DNMT3B: variants seen among roughly 807,000 people sequenced by gnomAD.
DNMT3B encodes the protein DNA methyltransferase 3 beta.
A neutral mutation model predicts 120.2 loss-of-function variants in DNMT3B; 37 were observed. The ratio of observed to expected loss-of-function variants is 0.31; its 90% CI spans 0.24 to 0.40. The LOEUF (loss-of-function observed/expected upper bound fraction) is 0.40. DNMT3B is among the 10% of genes least tolerant of loss of function. The pLI is 1.00. For synonymous variants in DNMT3B, 412 were observed against 442.8 expected (o/e 0.93, Z 0.87); for missense variants, 878 against 1,137.3 (o/e 0.77, Z 3.28).
chr20:32,762,949 T>C (rs1045600517), intron 1 of DNMT3B, among the ~76,000 whole-genome samples: 11 of 151,624 alleles, frequency 7.3e-5, no homozygotes, highest in African/African-American at 2.7e-4. Context: ...GGACCGGAGA[T>C]ACTAGAGGAA....
At chr20:32,763,296 G>T (rs1471579301) in intron 1 of DNMT3B, among the ~76,000 whole-genome samples, 1 of 152,186 alleles carries the variant, frequency 6.6e-6, no homozygotes, top group Non-Finnish European at 1.5e-5. Flanking sequence ...GCGCGGGCTG[G>T]GGTGTGCGCC....
At chr20:32,799,135 G>C (rs1981013100) in intron 15 of DNMT3B, 109 bp from the exon 16 acceptor site, 2 of 1,231,056 alleles carry the variant, frequency 1.6e-6, no homozygotes, top group Non-Finnish European at 2.3e-6. Context: ...TTTTGCAGTG[G>C]CTACGGCAAG....
chr20:32,807,472 A>T (rs1982094149), intron 22 of DNMT3B, among the ~76,000 whole-genome samples: 2 of 152,158 alleles, frequency 1.3e-5, no homozygotes, highest in African/African-American at 4.8e-5. Flanking sequence ...AAATGGATAC[A>T]TTGCTGGCTG....
rs758209684 is a variant in DNMT3B at position 32,796,919 on chromosome 20, A to ACT, written c.1377+52_1377+53dup. 2.5e-6 allele frequency: 4 copies of ACT among 1,613,178 alleles called. No homozygotes were observed. The South Asian group carries it at 4.4e-5, about 18-fold the overall frequency. ...GACCTTCCTCCCCTTGCCTCCTCTA[A>ACT]CTCCCCTCTCCTTCCCAACAGCACC... On this transcript the variant is annotated intron_variant, in intron 13 of 22. Transcript: ENST00000328111.
At position 32,791,716 on chromosome 20, in the gene DNMT3B, G is replaced by A; in HGVS notation, c.921+8G>A. On this transcript the variant is annotated splice_region_variant and intron_variant, in intron 8 of 22. Coordinates refer to ENST00000328111, the MANE Select transcript of DNMT3B (RefSeq NM_006892.4). The stretch of plus-strand genomic sequence containing the variant: ...ATGTACCATGCTCTGGAGGTAACAT[G>A]GGATGAGGGAATGAGGGCTAAGCCC... 1 of 1,613,646 alleles carries A rather than the reference G, an allele frequency of 6.2e-7. No homozygotes were observed. Among genetic ancestry groups the A allele is most frequent in the Non-Finnish European group, 8.5e-7 (1 of 1,179,636 alleles).
In DNMT3B at chr20:32,804,259, G is replaced by A. The variant is rs928095968; in HGVS notation, c.2232-1079G>A. Among the ~76,000 whole-genome samples the A allele has an allele frequency of 3.3e-5, 5 of 152,214 alleles. No individual in the cohort carries two copies. In the East Asian group the frequency reaches 9.6e-4, roughly 29 times the overall value. ...GGCATCATTTAGGGGACAGACCCAAGTCATCTGGCTTGTTTAGAGCTTAAT... is the reference window on the plus strand; with the variant it reads ...GGCATCATTTAGGGGACAGACCCAAATCATCTGGCTTGTTTAGAGCTTAAT... On this transcript the variant is annotated intron_variant, in intron 20 of 22. Transcript: ENST00000328111.
Position 32,808,362 on chromosome 20 carries a change from G to A in DNMT3B, c.*459G>A, listed in dbSNP as rs760431194. 8.1e-5 allele frequency: 23 copies of A among 284,974 alleles called. No individual in the cohort carries two copies. The highest frequency in any genetic ancestry group is 1.4e-4 in the Non-Finnish European group (21 of 149,762). 17.7% of individuals were successfully genotyped at this position (284,974 alleles called of 1,614,324 possible). ...TGGCTACTGCTCTGTGTTTACAGAC[G>A]TGTGCAGTTGTAGGCATGTAGCTAC... On this transcript the variant is annotated 3_prime_UTR_variant, in exon 23 of 23. Coordinates refer to ENST00000328111, the MANE Select transcript of DNMT3B (RefSeq NM_006892.4).
At chr20:32,802,534 C>G in intron 20 of DNMT3B, 64 bp downstream of exon 20, 2 of 1,506,090 alleles carry the variant, frequency 1.3e-6, no homozygotes, top group Non-Finnish European at 9.2e-7. Context: ...CAAGCTCTGA[C>G]ATTCAAGCCT....
intron 1 of DNMT3B, among the ~76,000 whole-genome samples, chr20:32,765,508 C>T (rs553877167): frequency 4.7e-5 from 7 of 148,948 alleles, no homozygotes; most frequent in Non-Finnish European, 1.0e-4. Flanking sequence ...GCAACCTCTG[C>T]CTCCCGGGTT....
Position 32,800,306 on chromosome 20 carries a change from C to T in DNMT3B, c.1905+8C>T. 1.2e-6 allele frequency: 2 copies of T among 1,614,110 alleles called. No individual in the cohort carries two copies. Among genetic ancestry groups the T allele is most frequent in the South Asian group, 1.1e-5 (1 of 91,082 alleles). On this transcript the variant is annotated splice_region_variant and intron_variant, in intron 17 of 22. Coordinates refer to ENST00000328111, the MANE Select transcript of DNMT3B (RefSeq NM_006892.4). Reference sequence around the variant, plus strand: ...AACATCACAAAGAAAAATGTGAGGGCAGTCTGTACCTTGCGGGCCTCATCT... The same window carrying T: ...AACATCACAAAGAAAAATGTGAGGGTAGTCTGTACCTTGCGGGCCTCATCT...
At chr20:32,785,420 G>A (rs906442366) in intron 4 of DNMT3B, among the ~76,000 whole-genome samples, 1 of 152,148 alleles carries the variant, frequency 6.6e-6, no homozygotes, top group African/African-American at 2.4e-5. Flanking sequence ...GCCTAGGGGT[G>A]ATAGAGTTTG....
At chr20:32,805,167 T>C (rs532902705) in intron 20 of DNMT3B, among the ~76,000 whole-genome samples, 171 bp from the exon 21 acceptor site, 5 of 152,316 alleles carry the variant, frequency 3.3e-5, no homozygotes, top group African/African-American at 1.2e-4. Flanking sequence ...TAGCCCATCC[T>C]TGGCTTTGGC....
In DNMT3B at chr20:32,802,447, G is replaced by A; in HGVS notation, c.2208G>A (p.Trp736Ter). The change falls in exon 20 of 23, where the codon TGG becomes TGA. Residue 736 changes from tryptophan to a stop codon, truncating the protein, a stop_gained. Coordinates refer to ENST00000328111, the MANE Select transcript of DNMT3B (RefSeq NM_006892.4). LOFTEE classifies it high-confidence loss of function. ...VSAAHRARYF[W>*]GNLPGMNRPV... Reference sequence around the variant, plus strand: ...CTGCTCACAGGGCCCGATACTTCTGGGGCAACCTACCCGGGATGAACAGGT... The same window carrying A: ...CTGCTCACAGGGCCCGATACTTCTGAGGCAACCTACCCGGGATGAACAGGT... 1 of 1,614,136 alleles carries A rather than the reference G, an allele frequency of 6.2e-7. No homozygotes were observed. The highest frequency in any genetic ancestry group is 8.5e-7 in the Non-Finnish European group (1 of 1,180,034).
Position 32,796,863 on chromosome 20 carries a change from A to G in DNMT3B, c.1371A>G (p.Thr457=), listed in dbSNP as rs761424417. 1 of 1,614,162 alleles carries G rather than the reference A, an allele frequency of 6.2e-7. No homozygotes were observed. The highest frequency in any genetic ancestry group is 8.5e-7 in the Non-Finnish European group (1 of 1,180,020). ...TCTTTGAGGGGGGGCTCTGTCAGAC[A>G]TGCCGGGTAAGTCCTCCTACTACTG... ...HPLFEGGLCQ[T]CRDRFLELFY... The change falls in exon 13 of 23, where the codon ACA becomes ACG. Residue 457 remains threonine, a synonymous_variant. Transcript: ENST00000328111.
At chr20:32,774,289 A>G (rs1216661820) in intron 1 of DNMT3B, among the ~76,000 whole-genome samples, 1 of 151,318 alleles carries the variant, frequency 6.6e-6, no homozygotes, top group Non-Finnish European at 1.5e-5. Flanking sequence ...CGCTCACTGC[A>G]AGCTCTGCCT....
At position 32,793,569 on chromosome 20, in the gene DNMT3B, G is replaced by A. The variant is rs1020909881; in HGVS notation, c.1100G>A (p.Ser367Asn). The change falls in exon 10 of 23, where the codon AGT becomes AAT. Residue 367 changes from serine (S) to asparagine (N), a missense_variant. This residue lies in a region of DNMT3B where 207 missense variants were observed against 222.6 expected (regional missense o/e 0.93). Transcript: ENST00000328111. Reference sequence around the variant, plus strand: ...AAGTCGAAGGTGCGTCGTGCAGGCAGTAGGAAATTAGAATCAAGGAAATAC... The same window carrying A: ...AAGTCGAAGGTGCGTCGTGCAGGCAATAGGAAATTAGAATCAAGGAAATAC... ...VNKSKVRRAG[S>N]RKLESRKYEN... 3 of 1,613,938 alleles carry A rather than the reference G, an allele frequency of 1.9e-6. No individual in the cohort carries two copies. Among genetic ancestry groups the A allele is most frequent in the Non-Finnish European group, 2.5e-6 (3 of 1,179,990 alleles).
intron 12 of DNMT3B, 102 bp from the exon 13 acceptor site, chr20:32,796,688 T>C: frequency 7.7e-7 from 1 of 1,297,916 alleles, no homozygotes; most frequent in Non-Finnish European, 1.1e-6. Flanking sequence ...CTTGGCAAGC[T>C]GCTGGCCTGG....
chr20:32,800,538 A>T lies in DNMT3B; in HGVS notation c.1905+240A>T, dbSNP rs548586854. On this transcript the variant is annotated intron_variant, in intron 17 of 22. Coordinates refer to ENST00000328111, the MANE Select transcript of DNMT3B (RefSeq NM_006892.4). ...CAGTGGCATGATCTCAGCTCACTGT[A>T]ACCTCTGCCTCCCGGGTTTAAGCGA... 2.0e-5 allele frequency among the ~76,000 whole-genome samples: 3 copies of T among 152,264 alleles called. No homozygotes were observed. The East Asian group carries it at 5.8e-4, about 29-fold the overall frequency.
At chr20:32,803,898 A>C (rs1338670748) in intron 20 of DNMT3B, among the ~76,000 whole-genome samples, 2 of 152,178 alleles carry the variant, frequency 1.3e-5, no homozygotes, top group African/African-American at 4.8e-5. Context: ...GGTTCATGGT[A>C]GTTTCTGGGT....
Sources: allele counts gnomAD v4.1 joint callset (sites outside exome capture counted in the v4.1 genomes callset), GRCh38; gene constraint gnomAD v4.1.1; regional missense constraint gnomAD v4.1.1; transcripts MANE v1.5; gene names NCBI Gene and HGNC (gene_info 2026-07-23, HGNC 2026-07-21).